Variants in SETD1A observed in about 807,000 individuals in gnomAD.
SETD1A encodes histone-lysine N-methyltransferase SETD1A.
Under a neutral mutation model 149.9 loss-of-function variants are expected in SETD1A, and 29 were observed. The observed-to-expected ratio is 0.19, with a 90% CI of 0.14 to 0.26. The LOEUF (loss-of-function observed/expected upper bound fraction) is 0.26, where lower values mean the gene tolerates loss of function less well. Among genes scored for constraint, SETD1A ranks in the 10% least tolerant of loss-of-function variants. The probability of loss-of-function intolerance (pLI) is 1.00; values close to 1 mark genes in which losing one functional copy is unlikely to be tolerated. For missense variants in SETD1A, 2,109 were observed against 2,353.1 expected, an observed-to-expected ratio of 0.90 and a Z score of 2.15; for synonymous variants, 1,141 against 968.5, an observed-to-expected ratio of 1.18 and a Z score of -3.31.
At chr16:30,969,826 G>T in intron 12 of SETD1A, 137 bp downstream of exon 12, 1 of 700,952 alleles carries the variant, frequency 1.4e-6, no homozygotes, top group Non-Finnish European at 2.6e-6. Flanking sequence ...ATCTGTTTGG[G>T]CCACATTCTT....
intron 4 of SETD1A, 34 bp from the exon 5 acceptor site, chr16:30,963,399 A>C (rs1305042591): frequency 6.4e-7 from 1 of 1,571,316 alleles, no homozygotes; most frequent in African/African-American, 1.4e-5. Flanking sequence ...TAGTATCTCC[A>C]TCTGACAATT....
chr16:30,971,806 T>C lies in SETD1A; in HGVS notation c.3358+87T>C, dbSNP rs1197903347. 2.8e-6 allele frequency: 4 copies of C among 1,433,126 alleles called. No individual in the cohort carries two copies. The African/African-American group carries it at 4.3e-5, about 15-fold the overall frequency. 88.8% of individuals were successfully genotyped at this position (1,433,126 alleles called of 1,614,324 possible). ...GGTGCTTGCATTTATTGTGTACAAG[T>C]GTGTGACTTTATTAGAAAAACATAC... On this transcript the variant is annotated intron_variant, in intron 13 of 18. Transcript: ENST00000262519.
At chr16:30,962,353 C>G (rs1336440206) in intron 4 of SETD1A, among the ~76,000 whole-genome samples, 2 of 152,202 alleles carry the variant, frequency 1.3e-5, no homozygotes, top group Non-Finnish European at 2.9e-5. Context: ...GCATGAGCCA[C>G]CATGCCTGGC....
intron 13 of SETD1A, among the ~76,000 whole-genome samples, chr16:30,976,931 A>G (rs1273345714): frequency 4.0e-5 from 6 of 151,704 alleles, no homozygotes; most frequent in Non-Finnish European, 8.8e-5. Flanking sequence ...AGGGGTGCTT[A>G]GTGAAGGCTC....
chr16:30,964,465 G>C, intron 6 of SETD1A, 142 bp downstream of exon 6: 1 of 1,414,046 alleles, frequency 7.1e-7, no homozygotes, highest in Non-Finnish European at 9.6e-7. Context: ...ACAAATTGCT[G>C]TCCTCGGGGA....
Position 30,961,310 on chromosome 16 carries a change from C to G in SETD1A, c.290C>G (p.Thr97Ser). 6.2e-7 allele frequency: 1 copy of G among 1,614,180 alleles called. No homozygotes were observed. The highest frequency in any genetic ancestry group is 8.5e-7 in the Non-Finnish European group (1 of 1,180,026). The part of the protein sequence containing the change: ...YIGQIPLKEV[T>S]FARLNDNVRE... ...GGACAGATTCCACTGAAGGAAGTGA[C>G]TTTTGCAAGGCTGAATGACAACGTG... The change falls in exon 4 of 19, where the codon ACT becomes AGT. Residue 97 changes from threonine to serine, a missense_variant. Transcript: ENST00000262519. The surrounding 1 kb of genome is among the most constrained non-coding windows in gnomAD (Gnocchi z 4.0).
At position 30,969,582 on chromosome 16, in the gene SETD1A, C is replaced by A. The variant is rs763712039; in HGVS notation, c.2929-20C>A. 1 of 1,611,944 alleles carries A rather than the reference C, an allele frequency of 6.2e-7. No individual in the cohort carries two copies. The highest frequency in any genetic ancestry group is 8.5e-7 in the Non-Finnish European group (1 of 1,178,170). ...CAGTTGTCCCCTTCCTGTTAGTCCT[C>A]ATTTGTCTTTTTTCTTAAGGATGAG... On this transcript the variant is annotated intron_variant, in intron 11 of 18. Coordinates refer to ENST00000262519, the MANE Select transcript of SETD1A (RefSeq NM_014712.3).
At chr16:30,981,249 G>C in intron 17 of SETD1A, 69 bp downstream of exon 17, 1 of 1,590,562 alleles carries the variant, frequency 6.3e-7, no homozygotes, top group Non-Finnish European at 8.6e-7. Context: ...TCACACACAT[G>C]CTGTTTGTCC....
chr16:30,965,809 C>A lies in SETD1A; in HGVS notation c.1928C>A (p.Pro643His), dbSNP rs1416380560. 1 of 1,594,784 alleles carries A rather than the reference C, an allele frequency of 6.3e-7. No homozygotes were observed. Among genetic ancestry groups the A allele is most frequent in the Non-Finnish European group, 8.6e-7 (1 of 1,169,164 alleles). Residue 643 changes from proline (P) to histidine (H), a missense_variant, in exon 8 of 19, where the codon CCC becomes CAC. Pro to His is a moderately conservative substitution (Grantham distance 77, BLOSUM62 -2). Around this residue, in one of 8 missense-constraint regions of SETD1A, gnomAD observed 431 missense variants for 388.6 expected, o/e 1.11. Transcript: ENST00000262519. ...LLPPRPDGPP[P>H]PEYPPPPPPP... is the part of the protein sequence containing the mutation. ...CCACCCAGACCTGATGGGCCGCCGC[C>A]CCCTGAGTACCCCCCACCTCCTCCA...
rs191877462 is a variant in SETD1A at position 30,963,607 on chromosome 16, G to T, written c.639+53G>T. ...CTAGCCATGTGGGCATGGTGTCCGG[G>T]TGCCCGGAGCAGGAGCAGTCTTCGG... On this transcript the variant is annotated intron_variant, in intron 5 of 18. Coordinates refer to ENST00000262519, the MANE Select transcript of SETD1A (RefSeq NM_014712.3). The T allele has an allele frequency of 3.5e-5, 54 of 1,565,056 alleles. No homozygotes were observed. The African/African-American group carries it at 5.6e-4, about 16-fold the overall frequency.
In SETD1A at chr16:30,979,214, CTGCCCCA is replaced by C; in HGVS notation, c.3429_3435del (p.Arg1146MetfsTer114). The C allele has an allele frequency of 6.3e-7, 1 of 1,586,292 alleles. No homozygotes were observed. The highest frequency in any genetic ancestry group is 8.6e-7 in the Non-Finnish European group (1 of 1,164,874). ...GAACCACCTGCTGGGCCCCCGGCCC[CTGCCCCA>C]CGCCCCGATGAGCGTCCCTCTTCTC... is the stretch of plus-strand genomic sequence containing the variant. On this transcript the variant is annotated frameshift_variant, in exon 14 of 19. Transcript: ENST00000262519. LOFTEE classifies it high-confidence loss of function.
chr16:30,959,963 A>G (rs1483337416), intron 3 of SETD1A, among the ~76,000 whole-genome samples: 4 of 151,790 alleles, frequency 2.6e-5, no homozygotes, highest in Non-Finnish European at 4.4e-5. Context: ...TCCTTAACCT[A>G]CCTTTTTCAT....
chr16:30,976,930 T>C (rs1227141082), intron 13 of SETD1A, among the ~76,000 whole-genome samples: 2 of 151,744 alleles, frequency 1.3e-5, no homozygotes, highest in African/African-American at 4.8e-5. Flanking sequence ...AAGGGGTGCT[T>C]AGTGAAGGCT....
chr16:30,964,090 C>G lies in SETD1A; in HGVS notation c.640-4C>G. On this transcript the variant is annotated splice_polypyrimidine_tract_variant and splice_region_variant and intron_variant, in intron 5 of 18. Transcript: ENST00000262519. Reference sequence around the variant, plus strand: ...TCTCTCCTTGCCCTGCTCTGTCGCTCTAGGCCGAATCCCGCCGCCGCTCTT... The same window carrying G: ...TCTCTCCTTGCCCTGCTCTGTCGCTGTAGGCCGAATCCCGCCGCCGCTCTT... 1 of 1,611,050 alleles carries G rather than the reference C, an allele frequency of 6.2e-7. No individual in the cohort carries two copies. The highest frequency in any genetic ancestry group is 1.1e-5 in the South Asian group (1 of 91,028).
chr16:30,983,670 G>A lies in SETD1A; in HGVS notation c.4848G>A (p.Gln1616=). The A allele has an allele frequency of 1.2e-6, 2 of 1,613,886 alleles. No individual in the cohort carries two copies. Among genetic ancestry groups the A allele is most frequent in the Non-Finnish European group, 1.7e-6 (2 of 1,179,956 alleles). ...ACATGCGGGAGAAGCGCTACGTGCAGGAGGGCATTGGCAGCAGCTACCTGT... is the reference window on the plus strand; with the variant it reads ...ACATGCGGGAGAAGCGCTACGTGCAAGAGGGCATTGGCAGCAGCTACCTGT... The part of the protein sequence containing the change: ...VADMREKRYV[Q]EGIGSSYLFR... Residue 1616 remains glutamine (Q), a synonymous_variant, in exon 18 of 19, where the codon CAG becomes CAA. Transcript: ENST00000262519. The surrounding 1 kb of genome is among the most constrained non-coding windows in gnomAD (Gnocchi z 6.8).
At chr16:30,977,975 T>C (rs2143568898) in intron 13 of SETD1A, among the ~76,000 whole-genome samples, 1 of 152,236 alleles carries the variant, frequency 6.6e-6, no homozygotes, top group African/African-American at 2.4e-5. Context: ...AGTTTTCCTG[T>C]CTGTAAGATA....
chr16:30,979,977 C>A lies in SETD1A; in HGVS notation c.4191C>A (p.His1397Gln). ...GALRRRSLRSHARRRRPPPPP... is the reference protein window; with the variant it reads ...GALRRRSLRSQARRRRPPPPP... Reference sequence around the variant, plus strand: ...TCCGGAGGCGCAGCCTCCGCTCCCACGCCCGGCGCCGCCGCCCTCCGCCCC... The same window carrying A: ...TCCGGAGGCGCAGCCTCCGCTCCCAAGCCCGGCGCCGCCGCCCTCCGCCCC... Residue 1397 changes from histidine (H) to glutamine (Q), a missense_variant, in exon 14 of 19, where the codon CAC becomes CAA. Physicochemically the swap from His to Gln is conservative, Grantham distance 24. This residue lies in a region of SETD1A where 832 missense variants were observed against 815.6 expected (regional missense o/e 1.02). Transcript: ENST00000262519. 6.6e-7 allele frequency: 1 copy of A among 1,510,270 alleles called. No individual in the cohort carries two copies. Among genetic ancestry groups the A allele is most frequent in the Non-Finnish European group, 8.8e-7 (1 of 1,133,780 alleles). 93.6% of individuals were successfully genotyped at this position (1,510,270 alleles called of 1,614,324 possible). A position where few individuals can be genotyped will look rare whatever the true frequency, so the allele number is the denominator to read the frequency against.
Position 30,958,355 on chromosome 16 carries a change from GTGGCCGGGCTCGGCCCGGGCCGC to G in SETD1A, c.-15-354_-15-332del, listed in dbSNP as rs1360332066. ...GGAGGAGAGCGGGTGTGTGGGAGCC[GTGGCCGGGCTCGGCCCGGGCCGC>G]TGGCCGGTGAGGAGGCGGGAGGGGG... On this transcript the variant is annotated intron_variant, in intron 1 of 18. Coordinates refer to ENST00000262519, the MANE Select transcript of SETD1A (RefSeq NM_014712.3). 135 of 183,338 alleles carry G rather than the reference GTGGCCGGGCTCGGCCCGGGCCGC, an allele frequency of 7.4e-4. 2 individuals carry two copies. Among genetic ancestry groups the G allele is most frequent in the Admixed American group, 7.2e-3 (121 of 16,830 alleles). 11.4% of individuals were successfully genotyped at this position (183,338 alleles called of 1,614,324 possible). A position where few individuals can be genotyped will look rare whatever the true frequency, so the allele number is the denominator to read the frequency against.
intron 10 of SETD1A, among the ~76,000 whole-genome samples, chr16:30,968,806 A>AT (rs1276472206): frequency 1.5e-4 from 23 of 151,032 alleles, no homozygotes; most frequent in African/African-American, 1.9e-4. Flanking sequence ...TCTCAAAAAA[A>AT]AAAATATATA....
Sources: gnomAD v4.1 joint callset for allele counts (sites outside exome capture counted in the v4.1 genomes callset) on GRCh38, gnomAD v4.1.1 for gene constraint, gnomAD v4.1.1 regional missense constraint, Gnocchi (gnomAD v3.1) non-coding constraint, MANE v1.5 for transcripts, NCBI Gene and HGNC (gene_info 2026-07-23, HGNC 2026-07-21) for gene names.